Variants in PTPRK observed in about 807,000 individuals in gnomAD.
The protein encoded by PTPRK is protein tyrosine phosphatase receptor type K.
A neutral mutation model predicts 178.0 loss-of-function variants in PTPRK; 75 were observed. The ratio of observed to expected loss-of-function variants is 0.42; its 90% CI spans 0.35 to 0.51. The LOEUF (loss-of-function observed/expected upper bound fraction) is 0.51. PTPRK is among the 20% of genes least tolerant of loss of function. PTPRK has a pLI of 0.02. For missense variants in PTPRK, 1,441 were observed against 1,797.8 expected, an observed-to-expected ratio of 0.80 and a Z score of 3.59; for synonymous variants, 637 against 620.6, an observed-to-expected ratio of 1.03 and a Z score of -0.39.
chr6:128,436,021 A>T (rs571590199), intron 1 of PTPRK, among the ~76,000 whole-genome samples: 1 of 151,120 alleles, frequency 6.6e-6, no homozygotes, highest in Non-Finnish European at 1.5e-5. Context: ...TATATATAGC[A>T]ACAATTTTAC....
intron 2 of PTPRK, among the ~76,000 whole-genome samples, chr6:128,329,603 G>C (rs1830009857): frequency 1.3e-5 from 2 of 152,084 alleles, no homozygotes; most frequent in African/African-American, 4.8e-5. Flanking sequence ...TCCAATCTGA[G>C]TCCAAGTCCA....
chr6:128,152,289 A>G (rs991204285), intron 7 of PTPRK, among the ~76,000 whole-genome samples: 1 of 152,092 alleles, frequency 6.6e-6, no homozygotes, highest in Non-Finnish European at 1.5e-5. Context: ...GCTCTCAGAA[A>G]TAAGAAGTGG....
intron 1 of PTPRK, among the ~76,000 whole-genome samples, chr6:128,434,978 G>A (rs1272994185): frequency 6.7e-6 from 1 of 150,080 alleles, no homozygotes; most frequent in African/African-American, 2.5e-5. Flanking sequence ...CAGGCAGGCA[G>A]GCAGGCAGGC....
At chr6:128,416,800 C>T (rs947859487) in intron 1 of PTPRK, among the ~76,000 whole-genome samples, 1 of 151,570 alleles carries the variant, frequency 6.6e-6, no homozygotes, top group African/African-American at 2.4e-5. Context: ...GGATAGATTG[C>T]AGAAGGCCAT....
chr6:128,014,261 T>C (rs975345062), intron 13 of PTPRK, among the ~76,000 whole-genome samples: 2 of 151,614 alleles, frequency 1.3e-5, no homozygotes, highest in African/African-American at 4.8e-5. Context: ...TTTGTTACAT[T>C]CCTTTATAGA....
At chr6:128,305,169 T>A (rs1485039998) in intron 3 of PTPRK, among the ~76,000 whole-genome samples, 1 of 152,212 alleles carries the variant, frequency 6.6e-6, no homozygotes, top group Non-Finnish European at 1.5e-5. Flanking sequence ...TTCAAAGTCA[T>A]CATTTTATTG....
chr6:128,162,962 T>C (rs1168530742), intron 7 of PTPRK, among the ~76,000 whole-genome samples: 2 of 151,592 alleles, frequency 1.3e-5, no homozygotes, highest in Non-Finnish European at 3.0e-5. Context: ...GTTAATGTTT[T>C]ATATATAATA....
At chr6:128,305,963 A>C (rs757783996) in intron 3 of PTPRK, among the ~76,000 whole-genome samples, 2 of 152,230 alleles carry the variant, frequency 1.3e-5, no homozygotes, top group Admixed American at 6.5e-5. Context: ...GCAGAAGGCA[A>C]AGGCGAAGCA....
intron 3 of PTPRK, among the ~76,000 whole-genome samples, chr6:128,301,838 CT>C (rs1825661145): frequency 6.6e-6 from 1 of 152,206 alleles, no homozygotes; most frequent in African/African-American, 2.4e-5. Context: ...GGCTATATTA[CT>C]TTACTCTTCC....
At chr6:128,051,489 C>T (rs189108071) in intron 13 of PTPRK, among the ~76,000 whole-genome samples, 412 of 152,254 alleles carry the variant, frequency 2.7e-3, no homozygotes, top group Non-Finnish European at 3.0e-3. Context: ...ACCCAGTTGC[C>T]TCTTCTCATC....
In PTPRK at chr6:128,355,905, G is replaced by C. The variant is rs59787071; in HGVS notation, c.224-33595C>G. ...TACTAGAATTTCACAATTTAAGAAT[G>C]CTGCTGAGTGCAGTTTTCCTTTAGT... is the stretch of plus-strand genomic sequence containing the variant. On this transcript the variant is annotated intron_variant, in intron 2 of 29. Coordinates refer to ENST00000368226, the MANE Select transcript of PTPRK (RefSeq NM_002844.4). Among the ~76,000 whole-genome samples the C allele has an allele frequency of 7.1e-3, 1,088 of 152,290 alleles. 11 individuals are homozygous for C. The highest frequency in any genetic ancestry group is 0.025 in the African/African-American group (1,053 of 41,560).
chr6:128,240,680 A>AAT (rs1814256673), intron 4 of PTPRK, among the ~76,000 whole-genome samples: 2 of 152,300 alleles, frequency 1.3e-5, no homozygotes, highest in African/African-American at 4.8e-5. Context: ...AGAACAAGGG[A>AAT]ATATTTTTGC....
chr6:128,007,416 T>G (rs1335028302), intron 14 of PTPRK, among the ~76,000 whole-genome samples: 1 of 150,892 alleles, frequency 6.6e-6, no homozygotes, highest in Non-Finnish European at 1.5e-5. Context: ...AATCAAAGCA[T>G]AATTATGAAA....
intron 1 of PTPRK, among the ~76,000 whole-genome samples, chr6:128,431,125 G>C (rs192150434): frequency 3.8e-4 from 57 of 151,862 alleles, no homozygotes; most frequent in African/African-American, 1.3e-3. Context: ...TTTTAGTAGA[G>C]ACGGGTTTCA....
At chr6:128,009,798 T>C (rs1778852941) in intron 13 of PTPRK, among the ~76,000 whole-genome samples, 1 of 151,180 alleles carries the variant, frequency 6.6e-6, no homozygotes, top group Non-Finnish European at 1.5e-5. Flanking sequence ...ATAGTTGAGT[T>C]GGCACAAGAG....
intron 2 of PTPRK, among the ~76,000 whole-genome samples, chr6:128,362,676 G>A (rs892671359): frequency 6.6e-6 from 1 of 152,090 alleles, no homozygotes; most frequent in African/African-American, 2.4e-5. Flanking sequence ...GACAGATGGG[G>A]ACCCCTGAAT....
chr6:128,113,429 C>A (rs939685759), intron 7 of PTPRK, among the ~76,000 whole-genome samples: 2 of 149,990 alleles, frequency 1.3e-5, no homozygotes, highest in African/African-American at 4.9e-5. Context: ...TTCTCAATAC[C>A]TGCAGGTTCT....
At chr6:128,206,740 T>C (rs1807050181) in intron 6 of PTPRK, among the ~76,000 whole-genome samples, 1 of 152,162 alleles carries the variant, frequency 6.6e-6, no homozygotes, top group Non-Finnish European at 1.5e-5. Context: ...ATAAATTCAA[T>C]TATAATTGCT....
intron 1 of PTPRK, among the ~76,000 whole-genome samples, chr6:128,498,406 G>C (rs928234151): frequency 1.3e-5 from 2 of 152,170 alleles, no homozygotes; most frequent in African/African-American, 4.8e-5. Context: ...AACCCATGGG[G>C]GAGACGTTTA....
Sources: gnomAD v4.1 joint callset for allele counts (sites outside exome capture counted in the v4.1 genomes callset) on GRCh38, gnomAD v4.1.1 for gene constraint, MANE v1.5 for transcripts, NCBI Gene and HGNC (gene_info 2026-07-23, HGNC 2026-07-21) for gene names.